The following DLC1 variants were observed in gnomAD, a reference collection of about 807,000 sequenced individuals.
The protein encoded by DLC1 is DLC1 Rho GTPase activating protein, also known as rho GTPase-activating protein 7.
A neutral mutation model predicts 140.3 loss-of-function variants in DLC1; 54 were observed. That is an observed-to-expected ratio of 0.38 (90% CI 0.31 to 0.48). DLC1 has a LOEUF of 0.48. Ranked by LOEUF, DLC1 falls within the 20% of genes least tolerant of loss-of-function variation. The pLI, the probability that DLC1 is intolerant of heterozygous loss-of-function variation, is 0.96. For missense variants in DLC1, 2,536 were observed against 1,907.0 expected (o/e 1.33, Z -6.14); for synonymous variants, 986 against 728.1 (o/e 1.35, Z -5.70).
At chr8:13,591,034 G>A (rs910145064) in intron 1 of DLC1, among the ~76,000 whole-genome samples, 1 of 151,996 alleles carries the variant, frequency 6.6e-6, no homozygotes, top group Non-Finnish European at 1.5e-5. Context: ...TGAACATAAG[G>A]AATGAAGGAA....
intron 5 of DLC1, among the ~76,000 whole-genome samples, chr8:13,294,019 G>A (rs1831856153): frequency 6.6e-6 from 1 of 152,156 alleles, no homozygotes. Flanking sequence ...GCAAGGTTTT[G>A]TGGAGTAGAA....
chr8:13,119,223 G>A (rs1178675409), intron 5 of DLC1, among the ~76,000 whole-genome samples: 1 of 101,830 alleles, frequency 9.8e-6, no homozygotes, highest in African/African-American at 3.4e-5. Context: ...GCAAGACCCT[G>A]TCTAAAAAAA....
At position 13,244,636 on chromosome 8, in the gene DLC1, T is replaced by C. The variant is rs910085310; in HGVS notation, c.1348+60633A>G. Among the ~76,000 whole-genome samples, 30 of 152,132 alleles carry C rather than the reference T, an allele frequency of 2.0e-4. 1 individual carries two copies. The highest frequency in any genetic ancestry group is 7.0e-4 in the African/African-American group (29 of 41,514). The stretch of plus-strand genomic sequence containing the variant: ...TTATCTGCCACTCTCCTCCTCCCAC[T>C]TTACCAAATTGCACACACCAAGAGA... On this transcript the variant is annotated intron_variant, in intron 5 of 17. Transcript: ENST00000276297.
intron 5 of DLC1, among the ~76,000 whole-genome samples, chr8:13,123,156 G>GT (rs765622910): frequency 4.6e-5 from 7 of 152,148 alleles, no homozygotes; most frequent in African/African-American, 7.2e-5. Context: ...CCACGTGTTT[G>GT]TTAAGCCCGA....
At chr8:13,242,269 TAGG>T (rs994132512) in intron 5 of DLC1, among the ~76,000 whole-genome samples, 1 of 152,204 alleles carries the variant, frequency 6.6e-6, no homozygotes, top group African/African-American at 2.4e-5. Flanking sequence ...TGAAGGTTGA[TAGG>T]AGGAGTCTAT....
rs191442392 is a variant in DLC1 at position 13,274,519 on chromosome 8, A to G, written c.1348+30750T>C. Among the ~76,000 whole-genome samples, 35 of 152,352 alleles carry G rather than the reference A, an allele frequency of 2.3e-4. 1 individual carries two copies. The East Asian group carries it at 6.4e-3, about 28-fold the overall frequency. On this transcript the variant is annotated intron_variant, in intron 5 of 17. Transcript: ENST00000276297. ...GAAAACATTTGATTTTTCATCACAC[A>G]TAAAAATTAACTGTTTTTCTCTAAG... is the stretch of plus-strand genomic sequence containing the variant.
intron 4 of DLC1, among the ~76,000 whole-genome samples, chr8:13,323,111 A>G (rs1563252884): frequency 6.6e-6 from 1 of 152,188 alleles, no homozygotes; most frequent in Non-Finnish European, 1.5e-5. Context: ...GCTCAGCTAG[A>G]TCCACTCAAC....
At chr8:13,093,831 A>T (rs867418389) in intron 12 of DLC1, among the ~76,000 whole-genome samples, 1 of 152,244 alleles carries the variant, frequency 6.6e-6, no homozygotes, top group Non-Finnish European at 1.5e-5. Flanking sequence ...CTTTTAAATT[A>T]CGTTGCTGTA....
chr8:13,516,812 G>A (rs752065725), upstream of DLC1, among the ~76,000 whole-genome samples: 56 of 151,924 alleles, frequency 3.7e-4, no homozygotes, highest in Non-Finnish European at 6.9e-4. Flanking sequence ...ACAATTTTGC[G>A]TGTATTCATA....
intron 9 of DLC1, among the ~76,000 whole-genome samples, chr8:13,098,998 T>A (rs925504863): frequency 4.1e-5 from 6 of 147,702 alleles, no homozygotes; most frequent in African/African-American, 1.5e-4. Flanking sequence ...GGACTTGATT[T>A]CTATCCCATG....
At chr8:13,308,946 A>T (rs1156932676) in intron 4 of DLC1, among the ~76,000 whole-genome samples, 2 of 152,160 alleles carry the variant, frequency 1.3e-5, no homozygotes, top group African/African-American at 4.8e-5. Flanking sequence ...CAGAAATAAC[A>T]TTTCACACAA....
At chr8:13,353,808 G>A (rs1483451600) in intron 4 of DLC1, among the ~76,000 whole-genome samples, 1 of 151,700 alleles carries the variant, frequency 6.6e-6, no homozygotes, top group African/African-American at 2.4e-5. Flanking sequence ...AGTGAGCTGA[G>A]ATTGTGCCAC....
At position 13,375,172 on chromosome 8, in the gene DLC1, C is replaced by G. The variant is rs990449952; in HGVS notation, c.1314+18381G>C. ...CCTCCTGAGTAGCAGGGACTACAGG[C>G]GCCCGCCACTATGCCCGGCTAAATT... On this transcript the variant is annotated intron_variant, in intron 4 of 17. Transcript: ENST00000276297. Among the ~76,000 whole-genome samples the G allele has an allele frequency of 3.2e-3, 493 of 151,720 alleles. 4 individuals carry two copies. The highest frequency in any genetic ancestry group is 0.011 in the African/African-American group (458 of 41,448).
chr8:13,439,718 A>C (rs543770367), intron 2 of DLC1, among the ~76,000 whole-genome samples: 1 of 152,252 alleles, frequency 6.6e-6, no homozygotes, highest in East Asian at 1.9e-4. Context: ...GTTGGTCGAG[A>C]CTTCCACAGA....
intron 1 of DLC1, among the ~76,000 whole-genome samples, chr8:13,603,387 A>G (rs1232600100): frequency 2.0e-5 from 3 of 151,556 alleles, no homozygotes. Context: ...GGAGTCACTG[A>G]TTTTTTACTT....
intron 5 of DLC1, among the ~76,000 whole-genome samples, chr8:13,145,004 C>T (rs1823310909): frequency 3.3e-5 from 5 of 151,976 alleles, no homozygotes; most frequent in South Asian, 4.2e-4. Context: ...ATTCTCTGAC[C>T]AAATGCAATA....
At chr8:13,239,167 G>A (rs1310206583) in intron 5 of DLC1, among the ~76,000 whole-genome samples, 1 of 152,174 alleles carries the variant, frequency 6.6e-6, no homozygotes, top group Non-Finnish European at 1.5e-5. Flanking sequence ...CTGGCAATAT[G>A]TTATATCTAG....
chr8:13,095,541 G>A, intron 10 of DLC1: 1 of 315,744 alleles, frequency 3.2e-6, no homozygotes, highest in Non-Finnish European at 5.9e-6. Flanking sequence ...TCTAAGAGTG[G>A]GGGTTGACAG....
chr8:13,395,777 A>G (rs1328113930), intron 3 of DLC1, among the ~76,000 whole-genome samples: 2 of 129,122 alleles, frequency 1.5e-5, no homozygotes, highest in African/African-American at 2.7e-5. Context: ...GCGTGTGTGT[A>G]GAAGACATAA....
Sources: allele counts gnomAD v4.1 joint callset (sites outside exome capture counted in the v4.1 genomes callset), GRCh38; gene constraint gnomAD v4.1.1; transcripts MANE v1.5; gene names NCBI Gene and HGNC (gene_info 2026-07-23, HGNC 2026-07-21).